PROX1: variants seen among roughly 807,000 people sequenced by gnomAD.
The protein encoded by PROX1 is prospero homeobox 1.
In PROX1, 7 loss-of-function variants were observed where a neutral mutation model predicts 58.8. That is an observed-to-expected ratio of 0.12 (90% CI 0.07 to 0.22). The LOEUF is 0.22. PROX1 is among the 10% of genes least tolerant of loss of function. The probability of loss-of-function intolerance (pLI) is 1.00; values close to 1 mark genes in which losing one functional copy is unlikely to be tolerated. For missense variants in PROX1, 675 were observed against 927.8 expected (o/e 0.73, Z 3.54); for synonymous variants, 350 against 358.3 (o/e 0.98, Z 0.26).
chr1:213,994,580 C>A (rs2102687978), intron 1 of PROX1, among the ~76,000 whole-genome samples: 1 of 151,642 alleles, frequency 6.6e-6, no homozygotes, highest in Non-Finnish European at 1.5e-5. Context: ...TTTGTCACTG[C>A]ATTTTTGTAT....
At chr1:213,991,608 GA>G (rs961951018) in intron 1 of PROX1, among the ~76,000 whole-genome samples, 11 of 151,866 alleles carry the variant, frequency 7.2e-5, no homozygotes, top group East Asian at 1.9e-4. Context: ...CACCTTGTGG[GA>G]AAAAAAAGTC....
intron 3 of PROX1, among the ~76,000 whole-genome samples, chr1:214,007,621 T>C (rs924862218): frequency 1.3e-5 from 2 of 152,158 alleles, no homozygotes; most frequent in African/African-American, 4.8e-5. Context: ...TTCTTCAATA[T>C]TAAGGATAAT....
chr1:214,016,228 T>G (rs912307743), intron 4 of PROX1, among the ~76,000 whole-genome samples: 12 of 152,178 alleles, frequency 7.9e-5, no homozygotes, highest in Admixed American at 5.9e-4. Context: ...CACACACTAA[T>G]ACATACACAC....
chr1:213,999,892 G>T (rs569413276), intron 2 of PROX1, among the ~76,000 whole-genome samples: 14 of 152,292 alleles, frequency 9.2e-5, no homozygotes, highest in African/African-American at 2.9e-4. Flanking sequence ...GGCTTGAATG[G>T]TTTTTGTGCC....
intron 4 of PROX1, among the ~76,000 whole-genome samples, chr1:214,021,413 C>G (rs1455533235): frequency 6.6e-6 from 1 of 152,172 alleles, no homozygotes; most frequent in Admixed American, 6.5e-5. Context: ...TCTCCATTTC[C>G]TTTCTGATTT....
chr1:214,008,408 AAACAACAAC>A lies in PROX1; in HGVS notation c.1834-3101_1834-3093del, dbSNP rs567205314. 2.2e-4 allele frequency among the ~76,000 whole-genome samples: 32 copies of A among 143,892 alleles called. No individual in the cohort carries two copies. In the East Asian group the frequency reaches 4.7e-3, roughly 21 times the overall value. The allele number at this position is 143,892 out of a possible 152,430, so 94.4% of individuals were successfully genotyped here. ...CATTTTGCAAGCAAAAACAAAAAAC[AAACAACAAC>A]AACAACAACAAAAAAAACCAGGAGA... On this transcript the variant is annotated intron_variant, in intron 3 of 4. Transcript: ENST00000366958.
chr1:214,023,966 G>C (rs74929348), intron 4 of PROX1, among the ~76,000 whole-genome samples: 6,008 of 152,214 alleles, frequency 0.039, 288 homozygotes, highest in Admixed American at 0.14. Flanking sequence ...AGGCCACTGT[G>C]TTTCCTTTCA....
intron 4 of PROX1, among the ~76,000 whole-genome samples, chr1:214,031,264 C>T (rs1318076411): frequency 6.6e-6 from 1 of 152,108 alleles, no homozygotes; most frequent in Non-Finnish European, 1.5e-5. Context: ...TCTTCAAGTA[C>T]CTCATTACTT....
chr1:214,001,725 T>A (rs1663517745), intron 2 of PROX1, among the ~76,000 whole-genome samples: 1 of 152,310 alleles, frequency 6.6e-6, no homozygotes, highest in African/African-American at 2.4e-5. Context: ...CCACAGAAAT[T>A]GATCTTATAC....
chr1:214,006,750 GA>G (rs1178766048), intron 3 of PROX1, among the ~76,000 whole-genome samples: 1 of 152,162 alleles, frequency 6.6e-6, no homozygotes, highest in Non-Finnish European at 1.5e-5. Flanking sequence ...AGGACAGGGA[GA>G]AAAGGGTTAT....
intron 4 of PROX1, among the ~76,000 whole-genome samples, chr1:214,023,449 C>T (rs1044966801): frequency 4.6e-5 from 7 of 152,022 alleles, no homozygotes; most frequent in Non-Finnish European, 8.8e-5. Flanking sequence ...CTCCACCTCT[C>T]GGGCTCCAGC....
intron 2 of PROX1, among the ~76,000 whole-genome samples, chr1:214,004,123 G>A (rs778664374): frequency 2.0e-5 from 3 of 152,256 alleles, no homozygotes; most frequent in Middle Eastern, 3.4e-3. Flanking sequence ...TTTTCTCCAC[G>A]TGCATCTTCA....
At position 214,005,280 on chromosome 1, in the gene PROX1, CT is replaced by C. The variant is rs766483180; in HGVS notation, c.1833+15del. The C allele has an allele frequency of 1.4e-5, 22 of 1,588,298 alleles. No individual in the cohort carries two copies. Among genetic ancestry groups the C allele is most frequent in the Non-Finnish European group, 1.7e-5 (20 of 1,161,072 alleles). The stretch of plus-strand genomic sequence containing the variant: ...TACTTCTCCGACGTAAAGGTAGGGA[CT>C]TTTTTTATTCTTAATTTTTTCATTT... On this transcript the variant is annotated intron_variant, in intron 3 of 4. Transcript: ENST00000366958.
intron 4 of PROX1, among the ~76,000 whole-genome samples, chr1:214,033,720 C>A (rs1486565124): frequency 6.6e-6 from 1 of 152,228 alleles, no homozygotes; most frequent in African/African-American, 2.4e-5. Flanking sequence ...CATTCCCTCC[C>A]TCAGTGATGC....
At chr1:214,008,891 C>T (rs12748973) in intron 3 of PROX1, among the ~76,000 whole-genome samples, 4,148 of 152,218 alleles carry the variant, frequency 0.027, 86 homozygotes, top group Non-Finnish European at 0.044. Context: ...CTCAGCTCAT[C>T]GGGGCTACAA....
At chr1:213,992,543 A>G (rs919324591) in intron 1 of PROX1, among the ~76,000 whole-genome samples, 3 of 152,100 alleles carry the variant, frequency 2.0e-5, no homozygotes, top group African/African-American at 7.2e-5. Flanking sequence ...CCTATTTGAA[A>G]TTTCATAACC....
intron 4 of PROX1, among the ~76,000 whole-genome samples, chr1:214,017,482 A>G (rs1316506112): frequency 6.6e-6 from 1 of 152,060 alleles, no homozygotes; most frequent in Non-Finnish European, 1.5e-5. Flanking sequence ...CCTCTGTGAA[A>G]TGATTTGGTG....
In PROX1 at chr1:214,038,151, C is replaced by G. The variant is rs1026180096; in HGVS notation, c.*2317C>G. On this transcript the variant is annotated 3_prime_UTR_variant, in exon 5 of 5. Transcript: ENST00000366958. ...CAAATTAAGCAAAAGTGTGTGTTCA[C>G]AACCAAATGTTGATGCCCTTATCTA... is the stretch of plus-strand genomic sequence containing the variant. The G allele has an allele frequency of 6.6e-6, 1 of 152,160 alleles. No individual in the cohort carries two copies. Among genetic ancestry groups the G allele is most frequent in the Non-Finnish European group, 1.5e-5 (1 of 68,028 alleles). The allele number at this position is 152,160 out of a possible 1,614,324, so 9.4% of individuals were successfully genotyped here. A position where few individuals can be genotyped will look rare whatever the true frequency, so the allele number is the denominator to read the frequency against.
chr1:213,994,936 A>G (rs1054259364), intron 1 of PROX1, among the ~76,000 whole-genome samples: 4 of 151,758 alleles, frequency 2.6e-5, no homozygotes, highest in Non-Finnish European at 5.9e-5. Flanking sequence ...TATTGTTGCC[A>G]TCTAAGCATT....
Sources: gnomAD v4.1 joint callset for allele counts (sites outside exome capture counted in the v4.1 genomes callset) on GRCh38, gnomAD v4.1.1 for gene constraint, MANE v1.5 for transcripts, NCBI Gene and HGNC (gene_info 2026-07-23, HGNC 2026-07-21) for gene names.